The following KANK1 variants were observed in gnomAD, a reference collection of about 807,000 sequenced individuals.
The protein encoded by KANK1 is KN motif and ankyrin repeat domains 1.
Under a neutral mutation model 106.2 loss-of-function variants are expected in KANK1, and 109 were observed. The ratio of observed to expected loss-of-function variants is 1.03; its 90% CI spans 0.88 to 1.20. The LOEUF is 1.20. KANK1 is among the 50% of genes most tolerant of loss of function. KANK1 has a pLI of 0.00. For synonymous variants in KANK1, 873 were observed against 652.2 expected, an observed-to-expected ratio of 1.34 and a Z score of -5.16; for missense variants, 2,399 against 1,710.7, an observed-to-expected ratio of 1.40 and a Z score of -7.10.
chr9:629,095 T>C (rs1482229822), intron 1 of KANK1, among the ~76,000 whole-genome samples: 2 of 128,872 alleles, frequency 1.6e-5, no homozygotes, highest in Admixed American at 7.9e-5. Flanking sequence ...AAAAAAAAAA[T>C]CCCATCTTGC....
chr9:660,251 G>A, intron 1 of KANK1: 2 of 243,042 alleles, frequency 8.2e-6, no homozygotes, highest in Non-Finnish European at 9.0e-6. Flanking sequence ...AGGGTGACCA[G>A]CACAAGAACA....
At chr9:740,727 T>C (rs1055448515) in intron 8 of KANK1, 65 bp from the exon 9 acceptor site, 13 of 1,537,898 alleles carry the variant, frequency 8.5e-6, no homozygotes, top group Non-Finnish European at 9.7e-6. Context: ...CTTCAGTGGC[T>C]TCGTAAGCGG....
chr9:515,299 C>T (rs181991609), intron 1 of KANK1, among the ~76,000 whole-genome samples: 34 of 149,824 alleles, frequency 2.3e-4, no homozygotes, highest in African/African-American at 7.0e-4. Flanking sequence ...GAGCCGAGAT[C>T]GTGCCACTGC....
chr9:512,565 A>G (rs2059081759), intron 1 of KANK1, among the ~76,000 whole-genome samples: 1 of 152,156 alleles, frequency 6.6e-6, no homozygotes, highest in Non-Finnish European at 1.5e-5. Flanking sequence ...ATTAACCATC[A>G]TACCCTGCTA....
At chr9:574,816 C>T (rs1044628745) in intron 1 of KANK1, among the ~76,000 whole-genome samples, 1 of 146,456 alleles carries the variant, frequency 6.8e-6, no homozygotes, top group Non-Finnish European at 1.5e-5. Context: ...GATTGCACCA[C>T]TGCACTCCAA....
chr9:739,291 CAG>C (rs557840132), intron 8 of KANK1, among the ~76,000 whole-genome samples: 284 of 152,248 alleles, frequency 1.9e-3, no homozygotes, highest in African/African-American at 6.3e-3. Context: ...ACAGAGAAGT[CAG>C]AGTATCTCAG....
chr9:579,671 G>A (rs550967715), intron 1 of KANK1, among the ~76,000 whole-genome samples: 1 of 152,280 alleles, frequency 6.6e-6, no homozygotes, highest in South Asian at 2.1e-4. Flanking sequence ...CAGGGAGGCA[G>A]TATGGGAGGT....
At chr9:522,730 C>T (rs531712126) in intron 1 of KANK1, among the ~76,000 whole-genome samples, 39 of 151,660 alleles carry the variant, frequency 2.6e-4, no homozygotes, top group Non-Finnish European at 5.1e-4. Flanking sequence ...TTTGGTATCT[C>T]ATAGAATTCT....
At chr9:697,521 A>C (rs909405230) in intron 2 of KANK1, among the ~76,000 whole-genome samples, 2 of 152,132 alleles carry the variant, frequency 1.3e-5, no homozygotes, top group Middle Eastern at 3.2e-3. Context: ...AGATATTCTG[A>C]GACGACATCA....
rs528679140 is a variant in KANK1 at position 541,713 on chromosome 9, C to T, written c.-84+36959C>T. Among the ~76,000 whole-genome samples the T allele has an allele frequency of 5.9e-5, 9 of 152,148 alleles. 1 individual carries two copies. The South Asian group carries it at 1.2e-3, about 21-fold the overall frequency. ...TAGAATGGGATAAAATGGTTGCAGA[C>T]CATACATCTGATAAGGGGTTAATAT... is the stretch of plus-strand genomic sequence containing the variant. On this transcript the variant is annotated intron_variant, in intron 1 of 11. Coordinates refer to ENST00000382297, the MANE Select transcript of KANK1 (RefSeq NM_015158.5).
At chr9:698,240 G>C (rs1196274634) in intron 2 of KANK1, among the ~76,000 whole-genome samples, 1 of 152,068 alleles carries the variant, frequency 6.6e-6, no homozygotes, top group Non-Finnish European at 1.5e-5. Flanking sequence ...AGCCTCACAG[G>C]CATTTTCAGT....
intron 1 of KANK1, among the ~76,000 whole-genome samples, chr9:534,839 A>G (rs187378856): frequency 6.9e-4 from 105 of 152,368 alleles, no homozygotes; most frequent in Non-Finnish European, 1.0e-3. Flanking sequence ...AGAAAATTCT[A>G]TAAGTTTATG....
At chr9:489,811 T>G (rs1334601670) in intron 3 of KANK1, among the ~76,000 whole-genome samples, 3 of 152,222 alleles carry the variant, frequency 2.0e-5, no homozygotes, top group Non-Finnish European at 4.4e-5. Context: ...CAATACTGTT[T>G]ACTCGTAAAT....
At chr9:648,397 C>T (rs7846998) in intron 1 of KANK1, among the ~76,000 whole-genome samples, 5,248 of 152,066 alleles carry the variant, frequency 0.035, 125 homozygotes, top group Middle Eastern at 0.082. Flanking sequence ...AAAACTATGC[C>T]GTATATGTAT....
chr9:499,381 C>T (rs10974842), intron 3 of KANK1, among the ~76,000 whole-genome samples: 25,019 of 152,066 alleles, frequency 0.16, 4,104 homozygotes, highest in African/African-American at 0.43. Context: ...GGTACATCCA[C>T]ACAATAGAAT....
intron 1 of KANK1, among the ~76,000 whole-genome samples, chr9:519,158 G>C (rs1000813516): frequency 6.6e-6 from 1 of 151,654 alleles, no homozygotes; most frequent in African/African-American, 2.4e-5. Flanking sequence ...CCAAAGTGCT[G>C]GGATTATAGG....
chr9:488,690 G>A (rs2058332408), intron 3 of KANK1, among the ~76,000 whole-genome samples: 1 of 152,202 alleles, frequency 6.6e-6, no homozygotes, highest in African/African-American at 2.4e-5. Flanking sequence ...TCTTGTAAGA[G>A]TCAAGTGTCA....
chr9:545,464 T>G (rs1051449476), intron 1 of KANK1, among the ~76,000 whole-genome samples: 3 of 152,102 alleles, frequency 2.0e-5, no homozygotes, highest in Admixed American at 2.0e-4. Flanking sequence ...TAAGATCACC[T>G]AGTTAGAGGT....
At chr9:714,545 A>G (rs1308858218) in intron 3 of KANK1, among the ~76,000 whole-genome samples, 1 of 151,858 alleles carries the variant, frequency 6.6e-6, no homozygotes, top group African/African-American at 2.4e-5. Flanking sequence ...TTTAGTAGAG[A>G]TAGGGTTTCA....
Sources: gnomAD v4.1 joint callset for allele counts (sites outside exome capture counted in the v4.1 genomes callset) on GRCh38, gnomAD v4.1.1 for gene constraint, MANE v1.5 for transcripts, NCBI Gene and HGNC (gene_info 2026-07-23, HGNC 2026-07-21) for gene names.